The following L3MBTL1 variants were observed in gnomAD, a reference collection of about 807,000 sequenced individuals.
L3MBTL1 encodes lethal(3)malignant brain tumor-like protein 1.
In L3MBTL1, 75 loss-of-function variants were observed where a neutral mutation model predicts 105.3. The ratio of observed to expected loss-of-function variants is 0.71; its 90% confidence interval spans 0.59 to 0.86. The LOEUF (loss-of-function observed/expected upper bound fraction) is 0.86. Ranked by LOEUF, L3MBTL1 falls within the 40% of genes least tolerant of loss-of-function variation. L3MBTL1 has a pLI of 0.00. For synonymous variants in L3MBTL1, 452 were observed against 436.2 expected (o/e 1.04, Z -0.45); for missense variants, 1,069 against 1,126.4 (o/e 0.95, Z 0.73).
At chr20:43,548,794 C>G (rs1978800044) in exon 19 of L3MBTL1, 1 of 152,354 alleles carries the variant, frequency 6.6e-6, no homozygotes, top group African/African-American at 2.4e-5. Flanking sequence ...CCCAGCCAGA[C>G]CCCACTGGCT....
At chr20:43,514,169 T>C (rs1189332202) in intron 3 of L3MBTL1, 108 bp downstream of exon 3, 5 of 1,012,050 alleles carry the variant, frequency 4.9e-6, no homozygotes, top group Middle Eastern at 3.1e-4. Flanking sequence ...CTGGCTCAGA[T>C]GATGGGCCCT....
intron 4 of L3MBTL1, 56 bp from the exon 5 acceptor site, chr20:43,514,953 A>G: frequency 1.3e-6 from 2 of 1,589,184 alleles, no homozygotes; most frequent in Non-Finnish European, 8.6e-7. Context: ...GCGTGGGCGG[A>G]GCCTGAGTGT....
chr20:43,517,272 T>G (rs1472311261), intron 7 of L3MBTL1, among the ~76,000 whole-genome samples: 9 of 152,066 alleles, frequency 5.9e-5, no homozygotes, highest in Non-Finnish European at 1.2e-4. Flanking sequence ...CTAATTTTTG[T>G]GTTAATAGAG....
chr20:43,536,610 G>A, intron 19 of L3MBTL1, 152 bp downstream of exon 19: 1 of 887,852 alleles, frequency 1.1e-6, no homozygotes, highest in Non-Finnish European at 1.8e-6. Flanking sequence ...GCACAGAGCA[G>A]TGGCAAAAGC....
chr20:43,543,418 C>T (rs1978355551), downstream of L3MBTL1, among the ~76,000 whole-genome samples: 1 of 152,208 alleles, frequency 6.6e-6, no homozygotes, highest in Non-Finnish European at 1.5e-5. Flanking sequence ...CCAGCCTATG[C>T]TTGGCTTTAC....
intron 7 of L3MBTL1, among the ~76,000 whole-genome samples, chr20:43,526,212 GT>G (rs1392567373): frequency 1.3e-5 from 2 of 152,192 alleles, no homozygotes; most frequent in Non-Finnish European, 2.9e-5. Context: ...CTTAGCTGAT[GT>G]TACGGTTTGG....
At chr20:43,543,620 C>T (rs1163100502), downstream of L3MBTL1, among the ~76,000 whole-genome samples, 1 of 152,204 alleles carries the variant, frequency 6.6e-6, no homozygotes, top group Non-Finnish European at 1.5e-5. Context: ...CAGTGTCTGG[C>T]CCATGTCATC....
At chr20:43,539,571 GCATAGGCAGT>G (rs142284827) in intron 19 of L3MBTL1, 10,091 of 186,442 alleles carry the variant, frequency 0.054, 481 homozygotes, top group Admixed American at 0.15. Context: ...TCTAGTGCTG[GCATAGGCAGT>G]AGTACAGACC....
In L3MBTL1 at chr20:43,529,383, G is replaced by A; in HGVS notation, c.1056+15G>A. ...CCGTGGCTGAGGTGAGCTGGGGCTT[G>A]GTACCACCTTTCTGATGATGTCTCT... On this transcript the variant is annotated intron_variant, in intron 9 of 21. Transcript: ENST00000418998. 9.6e-6 allele frequency: 15 copies of A among 1,567,086 alleles called. No individual in the cohort carries two copies. The highest frequency in any genetic ancestry group is 1.3e-5 in the Non-Finnish European group (15 of 1,141,166).
chr20:43,526,720 G>A (rs970399296), intron 7 of L3MBTL1, among the ~76,000 whole-genome samples: 6 of 152,330 alleles, frequency 3.9e-5, no homozygotes, highest in African/African-American at 1.4e-4. Flanking sequence ...AGCACTTTGG[G>A]AGGCCAAGGC....
intron 7 of L3MBTL1, among the ~76,000 whole-genome samples, chr20:43,523,824 T>C (rs907483253): frequency 6.6e-6 from 1 of 152,048 alleles, no homozygotes; most frequent in Admixed American, 6.6e-5. Context: ...TGAAACCCCA[T>C]CTCTACTAAA....
rs953007496 is a variant in L3MBTL1, at chr20:43,522,060, T to C, written c.862+5883T>C. On this transcript the variant is annotated intron_variant, in intron 7 of 21. Transcript: ENST00000418998. ...ATTTTATTCCTTGAGATTTTACCTA[T>C]AAGATACAGAAAGAGGCCAGGTGCA... Among the ~76,000 whole-genome samples the C allele has an allele frequency of 2.0e-5, 3 of 152,298 alleles. No individual in the cohort carries two copies. The Middle Eastern group carries it at 0.01, about 518-fold the overall frequency.
Position 43,540,801 on chromosome 20 carries a change from C to T in L3MBTL1, c.2380C>T (p.Leu794Phe). ...TLTGCEDQAR[L>F]FKDEARIVRV... The stretch of plus-strand genomic sequence containing the variant: ...GACAGGTTGTGAGGACCAAGCACGC[C>T]TCTTCAAAGACGAGGTAAGGTGCAA... Residue 794 changes from leucine (L) to phenylalanine (F), a missense_variant, in exon 21 of 22, where the codon CTC becomes TTC. Transcript: ENST00000418998. 1.2e-6 allele frequency: 2 copies of T among 1,614,188 alleles called. No homozygotes were observed. Among genetic ancestry groups the T allele is most frequent in the South Asian group, 1.1e-5 (1 of 91,076 alleles).
At chr20:43,518,104 T>C (rs1436580099) in intron 7 of L3MBTL1, among the ~76,000 whole-genome samples, 1 of 152,048 alleles carries the variant, frequency 6.6e-6, no homozygotes, top group African/African-American at 2.4e-5. Flanking sequence ...TGAAGCATAC[T>C]ACTCACTGTC....
Position 43,513,858 on chromosome 20 carries a change from C to G in L3MBTL1, c.157C>G (p.Leu53Val), listed in dbSNP as rs1466089616. ...IIPASSATLG[L>V]PSSALDVSCF... ...TACAGCCAGTTCGGCCACCCTCGGC[C>G]TGCCCAGCAGTGCCCTGGATGTGTC... The change falls in exon 3 of 22, where the codon CTG becomes GTG. Residue 53 changes from leucine to valine, a missense_variant. Leu to Val is a conservative substitution (Grantham distance 32, BLOSUM62 1). Transcript: ENST00000418998. 2 of 1,550,664 alleles carry G rather than the reference C, an allele frequency of 1.3e-6. No homozygotes were observed. The highest frequency in any genetic ancestry group is 1.7e-6 in the Non-Finnish European group (2 of 1,147,000).
At chr20:43,513,676 G>A (rs947705932) in intron 2 of L3MBTL1, 37 bp downstream of exon 2, 2 of 1,550,298 alleles carry the variant, frequency 1.3e-6, no homozygotes, top group South Asian at 1.2e-5. Flanking sequence ...GGAAGGAAGA[G>A]CATCTCTGTA....
chr20:43,540,892 A>G (rs2019880114), intron 21 of L3MBTL1, 42 bp from the exon 22 acceptor site: 1 of 1,612,678 alleles, frequency 6.2e-7, no homozygotes, highest in Non-Finnish European at 8.5e-7. Flanking sequence ...TGCCCTCCCC[A>G]GCGTCACTTC....
intron 7 of L3MBTL1, among the ~76,000 whole-genome samples, chr20:43,525,302 G>A (rs192138248): frequency 1.1e-3 from 169 of 152,220 alleles, no homozygotes; most frequent in African/African-American, 3.9e-3. Flanking sequence ...AAGAGCATCT[G>A]GTCTAAGGAA....
intron 7 of L3MBTL1, among the ~76,000 whole-genome samples, chr20:43,521,928 T>C (rs904337955): frequency 6.6e-5 from 10 of 152,208 alleles, no homozygotes; most frequent in Non-Finnish European, 1.3e-4. Flanking sequence ...CTCTGTGCCC[T>C]AAGATGAGCA....
Sources: allele counts gnomAD v4.1 joint callset (sites outside exome capture counted in the v4.1 genomes callset), GRCh38; gene constraint gnomAD v4.1.1; transcripts MANE v1.5; gene names NCBI Gene and HGNC (gene_info 2026-07-23, HGNC 2026-07-21).